Variants in CCDC68 observed in about 807,000 individuals in gnomAD.
CCDC68 encodes coiled-coil domain containing 68.
CCDC68 carries 45 observed loss-of-function variants against 47.1 expected under a neutral mutation model. The observed-to-expected ratio is 0.96, with a 90% CI of 0.75 to 1.23. CCDC68 has a LOEUF of 1.23. Among genes scored for constraint, CCDC68 ranks in the 50% most tolerant of loss-of-function variants. The pLI is 0.00. For synonymous variants in CCDC68, 131 were observed against 129.5 expected (o/e 1.01, Z -0.08); for missense variants, 353 against 373.6 (o/e 0.94, Z 0.45).
chr18:54,918,281 C>T (rs2043990133), intron 9 of CCDC68, among the ~76,000 whole-genome samples: 1 of 152,196 alleles, frequency 6.6e-6, no homozygotes, highest in African/African-American at 2.4e-5. Context: ...GCACTGGCCG[C>T]CCTTCTGCAT....
rs138063888 is a variant in CCDC68 at position 54,938,045 on chromosome 18, C to A, written c.257G>T (p.Cys86Phe). 1.9e-6 allele frequency: 3 copies of A among 1,613,816 alleles called. No individual in the cohort carries two copies. Among genetic ancestry groups the A allele is most frequent in the East Asian group, 2.2e-5 (1 of 44,830 alleles). The change falls in exon 5 of 12, where the codon TGC becomes TTC. Residue 86 changes from cysteine to phenylalanine, a missense_variant. Cys to Phe is a radical substitution (Grantham distance 205). Transcript: ENST00000591504. ...CTTTTTCATAAGCAAATCCAAACTG[C>A]AACAAGAAGGATCCATTTCAGAATC... ...GSDSEMDPSC[C>F]SLDLLMKKIK...
intron 11 of CCDC68, among the ~76,000 whole-genome samples, chr18:54,906,407 T>C (rs1914012413): frequency 6.6e-6 from 1 of 152,110 alleles, no homozygotes; most frequent in Non-Finnish European, 1.5e-5. Flanking sequence ...AGCTAAAGCG[T>C]TGGCCAAAAA....
At chr18:54,948,511 T>C (rs1301947153) in intron 1 of CCDC68, among the ~76,000 whole-genome samples, 3 of 152,234 alleles carry the variant, frequency 2.0e-5, no homozygotes, top group Non-Finnish European at 4.4e-5. Context: ...ACTCTGTGTG[T>C]GGCACTTTGT....
chr18:54,935,618 C>T (rs1430926759), intron 6 of CCDC68, among the ~76,000 whole-genome samples: 9 of 152,182 alleles, frequency 5.9e-5, no homozygotes, highest in Non-Finnish European at 1.2e-4. Context: ...GCACACTTCC[C>T]GTCCCCACAA....
chr18:54,936,169 AT>A (rs1372617502), intron 6 of CCDC68, among the ~76,000 whole-genome samples: 9 of 145,444 alleles, frequency 6.2e-5, no homozygotes, highest in Admixed American at 2.8e-4. Context: ...TATATTAGAT[AT>A]TATAATTATA....
intron 10 of CCDC68, among the ~76,000 whole-genome samples, chr18:54,914,587 C>T (rs893764324): frequency 6.6e-6 from 1 of 151,994 alleles, no homozygotes; most frequent in African/African-American, 2.4e-5. Flanking sequence ...GATCACGCCA[C>T]TGCACTCCAG....
At chr18:54,952,215 C>T (rs1369774584) in intron 1 of CCDC68, among the ~76,000 whole-genome samples, 1 of 152,100 alleles carries the variant, frequency 6.6e-6, no homozygotes, top group African/African-American at 2.4e-5. Flanking sequence ...GTAACACTTG[C>T]CAGTCAATAA....
At chr18:54,920,625 A>G (rs2044041600) in intron 8 of CCDC68, among the ~76,000 whole-genome samples, 1 of 152,224 alleles carries the variant, frequency 6.6e-6, no homozygotes, top group African/African-American at 2.4e-5. Flanking sequence ...AGAGAAATGC[A>G]CATCTAAACC....
intron 1 of CCDC68, among the ~76,000 whole-genome samples, chr18:54,953,452 T>C (rs1352047165): frequency 6.6e-6 from 1 of 152,174 alleles, no homozygotes; most frequent in African/African-American, 2.4e-5. Flanking sequence ...TAATTGGATT[T>C]GTTTTTCTTC....
rs147642927 is a variant in CCDC68, at chr18:54,913,648, T to G, written c.873+4265A>C. On this transcript the variant is annotated intron_variant, in intron 10 of 11. Transcript: ENST00000591504. ...GAAACTCTGTCTCTACAATTTTTTTTTTTGTTTGTTATAAATTAGCCAGAT... is the reference window on the plus strand; with the variant it reads ...GAAACTCTGTCTCTACAATTTTTTTGTTTGTTTGTTATAAATTAGCCAGAT... Among the ~76,000 whole-genome samples the G allele has an allele frequency of 4.5e-3, 691 of 152,010 alleles. 3 individuals are homozygous for G. The highest frequency in any genetic ancestry group is 0.016 in the South Asian group (76 of 4,794).
At chr18:54,917,177 A>G (rs1401302573) in intron 10 of CCDC68, among the ~76,000 whole-genome samples, 2 of 152,210 alleles carry the variant, frequency 1.3e-5, no homozygotes, top group Non-Finnish European at 2.9e-5. Flanking sequence ...AGGACATTAG[A>G]TTGTATTGTG....
intron 7 of CCDC68, among the ~76,000 whole-genome samples, chr18:54,934,385 C>T (rs1467512740): frequency 6.6e-6 from 1 of 152,112 alleles, no homozygotes; most frequent in Non-Finnish European, 1.5e-5. Flanking sequence ...TAGGTTTTTC[C>T]AAACACAAAG....
chr18:54,938,168 C>A lies in CCDC68; in HGVS notation c.205-71G>T, dbSNP rs112194489. ...TACAAACTTTGACAACAATAATGAT[C>A]ATTTAGTATTACATATATCAAAGAA... On this transcript the variant is annotated intron_variant, in intron 4 of 11. Coordinates refer to ENST00000591504, the MANE Select transcript of CCDC68 (RefSeq NM_025214.3). The A allele has an allele frequency of 8.3e-4, 1,215 of 1,466,004 alleles. 10 individuals are homozygous for A. In the African/African-American group the frequency reaches 0.014, roughly 17 times the overall value. 90.8% of individuals were successfully genotyped at this position (1,466,004 alleles called of 1,614,324 possible). A position where few individuals can be genotyped will look rare whatever the true frequency, so the allele number is the denominator to read the frequency against.
Position 54,940,995 on chromosome 18 carries a change from A to T in CCDC68, c.204+2T>A. The T allele has an allele frequency of 6.3e-7, 1 of 1,593,216 alleles. No individual in the cohort carries two copies. The highest frequency in any genetic ancestry group is 8.6e-7 in the Non-Finnish European group (1 of 1,162,858). ...TGCTAATCTTCTGCAGGAAATTATT[A>T]CCTTTGCATCTAGTTTGTGATTTGT... On this transcript the variant is annotated splice_donor_variant, in intron 4 of 11. Transcript: ENST00000591504. LOFTEE classifies it high-confidence loss of function.
chr18:54,947,614 C>T (rs894413656), intron 1 of CCDC68, among the ~76,000 whole-genome samples: 1 of 152,116 alleles, frequency 6.6e-6, no homozygotes, highest in Non-Finnish European at 1.5e-5. Flanking sequence ...TGGGGTTGTT[C>T]ATGAGTTAAT....
chr18:54,942,844 T>C, intron 2 of CCDC68, 41 bp from the exon 3 acceptor site: 1 of 1,068,518 alleles, frequency 9.4e-7, no homozygotes, highest in Admixed American at 1.8e-5. Context: ...ACAGACTGTT[T>C]TGATTGTATG....
At chr18:54,924,501 C>A (rs1276378985) in intron 8 of CCDC68, among the ~76,000 whole-genome samples, 1 of 152,154 alleles carries the variant, frequency 6.6e-6, no homozygotes. Flanking sequence ...AGAATCTCTG[C>A]CCTACCCTTT....
At chr18:54,923,017 C>G (rs945796055) in intron 8 of CCDC68, among the ~76,000 whole-genome samples, 5 of 122,436 alleles carry the variant, frequency 4.1e-5, no homozygotes, top group Non-Finnish European at 8.7e-5. Flanking sequence ...AAAAAAAGAT[C>G]AAAACACAGA....
chr18:54,933,602 A>G (rs1413891767), intron 7 of CCDC68, among the ~76,000 whole-genome samples: 2 of 152,234 alleles, frequency 1.3e-5, no homozygotes, highest in Non-Finnish European at 2.9e-5. Context: ...TATAGGATCA[A>G]GTATTCTACC....
Sources: gnomAD v4.1 joint callset for allele counts (sites outside exome capture counted in the v4.1 genomes callset) on GRCh38, gnomAD v4.1.1 for gene constraint, MANE v1.5 for transcripts, NCBI Gene and HGNC (gene_info 2026-07-23, HGNC 2026-07-21) for gene names.